The following STAU1 variants were observed in gnomAD, a reference collection of about 807,000 sequenced individuals.
The protein encoded by STAU1 is staufen double-stranded RNA binding protein 1, also known as double-stranded RNA-binding protein Staufen homolog 1.
In STAU1, 13 loss-of-function variants were observed where a neutral mutation model predicts 62.9. The ratio of observed to expected loss-of-function variants is 0.21; its 90% CI spans 0.13 to 0.33. The LOEUF is 0.33. STAU1 is among the 10% of genes least tolerant of loss of function. The pLI, the probability that STAU1 is intolerant of heterozygous loss-of-function variation, is 1.00. For synonymous variants in STAU1, 269 were observed against 265.1 expected, an observed-to-expected ratio of 1.01 and a Z score of -0.14; for missense variants, 571 against 712.1, an observed-to-expected ratio of 0.80 and a Z score of 2.25.
At chr20:49,155,522 A>T (rs911025332) in intron 3 of STAU1, among the ~76,000 whole-genome samples, 8 of 152,224 alleles carry the variant, frequency 5.3e-5, no homozygotes, top group Non-Finnish European at 1.2e-4. Context: ...GAACACTAGA[A>T]ATGGCAAAAT....
At chr20:49,135,751 A>G in intron 6 of STAU1, 82 bp downstream of exon 6, 1 of 992,170 alleles carries the variant, frequency 1.0e-6, no homozygotes, top group Non-Finnish European at 1.5e-6. Flanking sequence ...TATTCCAATG[A>G]TATTTAGGGG....
Position 49,117,661 on chromosome 20 carries a change from C to A in STAU1, c.1509+116G>T. ...CTTCCATCACTGCTCCCCAGCCCAT[C>A]CCTGGACAGAACTTGATTTAAGAAA... On this transcript the variant is annotated intron_variant, in intron 11 of 13. Coordinates refer to ENST00000371856, the MANE Select transcript of STAU1 (RefSeq NM_017453.4). This position sits in a 1 kb window ranked among gnomAD's most constrained non-coding sequence, Gnocchi z 4.6. 9.2e-7 allele frequency: 1 copy of A among 1,085,268 alleles called. No homozygotes were observed. Among genetic ancestry groups the A allele is most frequent in the Non-Finnish European group, 1.3e-6 (1 of 771,684 alleles). The allele number at this position is 1,085,268 out of a possible 1,614,324, so 67.2% of individuals were successfully genotyped here.
At chr20:49,121,864 G>T (rs895474131) in intron 8 of STAU1, among the ~76,000 whole-genome samples, 1 of 152,178 alleles carries the variant, frequency 6.6e-6, no homozygotes, top group African/African-American at 2.4e-5. Flanking sequence ...CAAGTTGATT[G>T]TAATAACAGG....
At chr20:49,148,261 C>T (rs2093169040) in intron 5 of STAU1, among the ~76,000 whole-genome samples, 1 of 152,246 alleles carries the variant, frequency 6.6e-6, no homozygotes, top group Admixed American at 6.5e-5. Context: ...GTGGAAATTC[C>T]GTACATGACC....
In STAU1 at chr20:49,158,904, A is replaced by AAAATAAATAAAT. The variant is rs376969682; in HGVS notation, c.206-4845_206-4834dup. The AAAATAAATAAAT allele has an allele frequency of 3.5e-3, 4,096 of 1,167,264 alleles. 28 individuals are homozygous for AAAATAAATAAAT. The highest frequency in any genetic ancestry group is 0.018 in the East Asian group (295 of 16,522). 72.3% of individuals were successfully genotyped at this position (1,167,264 alleles called of 1,614,324 possible). A position where few individuals can be genotyped will look rare whatever the true frequency, so the allele number is the denominator to read the frequency against. On this transcript the variant is annotated intron_variant, in intron 3 of 13. Coordinates refer to ENST00000371856, the MANE Select transcript of STAU1 (RefSeq NM_017453.4). ...GGCCACAGAATGAGACTCCATCTCA[A>AAAATAAATAAAT]AAATAAATAAATAAATAAATAAATA...
In STAU1 at chr20:49,113,667, C is replaced by T. The variant is rs892906987; in HGVS notation, c.*1211G>A. 2.6e-5 allele frequency: 4 copies of T among 152,610 alleles called. No homozygotes were observed. The highest frequency in any genetic ancestry group is 5.9e-5 in the Non-Finnish European group (4 of 68,052). The allele number at this position is 152,610 out of a possible 1,614,324, so 9.5% of individuals were successfully genotyped here. A position where few individuals can be genotyped will look rare whatever the true frequency, so the allele number is the denominator to read the frequency against. The stretch of plus-strand genomic sequence containing the variant: ...TCCATACGGACCACACGCAGAGCCT[C>T]AGTGCACACACTTCTGTGTACAGTA... On this transcript the variant is annotated 3_prime_UTR_variant, in exon 14 of 14. Transcript: ENST00000371856.
the STAU1 span, among the ~76,000 whole-genome samples, chr20:49,193,522 G>C: frequency 6.6e-6 from 1 of 151,810 alleles, no homozygotes; most frequent in African/African-American, 2.4e-5. Context: ...AATACAAAAA[G>C]TAGCTGGGCG....
upstream of STAU1, among the ~76,000 whole-genome samples, chr20:49,193,080 A>G (rs2093833218): frequency 6.6e-6 from 1 of 152,218 alleles, no homozygotes; most frequent in Non-Finnish European, 1.5e-5. Context: ...ATACTCAGTA[A>G]AAGTGGTATT....
chr20:49,190,824 C>G (rs1016571091), upstream of STAU1, among the ~76,000 whole-genome samples: 3 of 151,826 alleles, frequency 2.0e-5, no homozygotes, highest in African/African-American at 7.3e-5. Flanking sequence ...TATGTGTGTT[C>G]CTTCTCACAA....
intron 6 of STAU1, among the ~76,000 whole-genome samples, chr20:49,133,286 G>A (rs1037263174): frequency 6.6e-6 from 1 of 152,196 alleles, no homozygotes; most frequent in South Asian, 2.1e-4. Context: ...CTGGGTAGCA[G>A]CAAGAGTGAG....
chr20:49,167,366 T>C (rs1179141981), intron 2 of STAU1, among the ~76,000 whole-genome samples: 1 of 152,166 alleles, frequency 6.6e-6, no homozygotes, highest in African/African-American at 2.4e-5. Context: ...AAAATGATTT[T>C]TAAAGCTGGT....
chr20:49,159,218 G>A (rs1341482545), intron 3 of STAU1: 1 of 960,608 alleles, frequency 1.0e-6, no homozygotes, highest in Admixed American at 5.6e-5. Flanking sequence ...TCCCCATCCG[G>A]TGCTACCTGC....
Position 49,168,101 on chromosome 20 carries a change from T to C in STAU1, c.-84-1816A>G, listed in dbSNP as rs368736984. Among the ~76,000 whole-genome samples the C allele has an allele frequency of 9.1e-5, 13 of 142,340 alleles. No individual in the cohort carries two copies. The East Asian group carries it at 1.0e-3, about 11-fold the overall frequency. 93.4% of individuals were successfully genotyped at this position (142,340 alleles called of 152,430 possible). ...AAATTTTTAATTTTTTTTTTTTTTT[T>C]CCGAGACAGAGCTTTGTCGCCCAGG... On this transcript the variant is annotated intron_variant, in intron 2 of 13. Coordinates refer to ENST00000371856, the MANE Select transcript of STAU1 (RefSeq NM_017453.4).
intron 5 of STAU1, among the ~76,000 whole-genome samples, chr20:49,150,982 AGCAGATCCTCCGGCCCCGT>A: frequency 6.6e-6 from 1 of 152,280 alleles, no homozygotes; most frequent in East Asian, 1.9e-4. Flanking sequence ...CCACCTTAAA[AGCAGATCCTCCGGCCCCGT>A]GCAGATCCAC....
At chr20:49,197,611 AG>A in the STAU1 span, among the ~76,000 whole-genome samples, 1 of 151,936 alleles carries the variant, frequency 6.6e-6, no homozygotes, top group South Asian at 2.1e-4. Context: ...CATGTTGCCC[AG>A]GCTGGTCTCG....
At chr20:49,135,992 G>C in intron 5 of STAU1, 61 bp from the exon 6 acceptor site, 1 of 1,334,848 alleles carries the variant, frequency 7.5e-7, no homozygotes. Flanking sequence ...CAGGTGAGTT[G>C]GTTCATGCTT....
At chr20:49,170,065 G>A (rs959942397) in intron 2 of STAU1, among the ~76,000 whole-genome samples, 4 of 152,158 alleles carry the variant, frequency 2.6e-5, no homozygotes, top group Admixed American at 2.6e-4. Context: ...CTGGGCACAT[G>A]AGCGCTACGA....
chr20:49,198,915 A>T, the STAU1 span, among the ~76,000 whole-genome samples: 1 of 152,036 alleles, frequency 6.6e-6, no homozygotes, highest in Non-Finnish European at 1.5e-5. Context: ...GTGAGCCAAG[A>T]TCGTGCCACT....
chr20:49,195,777 C>T, the STAU1 span, among the ~76,000 whole-genome samples: 1 of 150,208 alleles, frequency 6.7e-6, no homozygotes, highest in East Asian at 2.0e-4. Flanking sequence ...GTGGCACATG[C>T]CTGTAATTCC....
Sources: gnomAD v4.1 joint callset for allele counts (sites outside exome capture counted in the v4.1 genomes callset) on GRCh38, gnomAD v4.1.1 for gene constraint, Gnocchi (gnomAD v3.1) non-coding constraint, MANE v1.5 for transcripts, NCBI Gene and HGNC (gene_info 2026-07-23, HGNC 2026-07-21) for gene names.